Variants in DRC11 observed in about 807,000 individuals in gnomAD.
The protein encoded by DRC11 is IQ and AAA domain-containing protein 1.
the DRC11 span, among the ~76,000 whole-genome samples, chr2:236,457,345 A>C: frequency 6.6e-6 from 1 of 152,368 alleles, no homozygotes; most frequent in East Asian, 1.9e-4. This position sits in a 1 kb window ranked among gnomAD's most constrained non-coding sequence, Gnocchi z 4.7. Context: ...CTACCACACC[A>C]GACACTGAAC....
chr2:236,317,006 A>G, the DRC11 span, among the ~76,000 whole-genome samples: 3 of 143,024 alleles, frequency 2.1e-5, no homozygotes, highest in African/African-American at 9.1e-5. This position sits in a 1 kb window ranked among gnomAD's most constrained non-coding sequence, Gnocchi z 5.4. Flanking sequence ...AAAAAATCAT[A>G]GGCGCTCAGC....
chr2:236,453,588 A>G, the DRC11 span, among the ~76,000 whole-genome samples: 1 of 152,202 alleles, frequency 6.6e-6, no homozygotes. This position sits in a 1 kb window ranked among gnomAD's most constrained non-coding sequence, Gnocchi z 4.9. Flanking sequence ...CGGTGACTGC[A>G]GCAGAGATGC....
chr2:236,311,697 CGTGTGT>C, the DRC11 span, among the ~76,000 whole-genome samples: 348 of 138,786 alleles, frequency 2.5e-3, 1 homozygote, highest in African/African-American at 6.7e-3. The surrounding 1 kb of genome is among the most constrained non-coding windows in gnomAD (Gnocchi z 6.9). Flanking sequence ...GGATGGGGTG[CGTGTGT>C]GTGTGTGTGT....
chr2:236,450,468 C>T, the DRC11 span, among the ~76,000 whole-genome samples: 35,054 of 151,266 alleles, frequency 0.23, 4,184 homozygotes, highest in Middle Eastern at 0.3. Context: ...TACAGGTGTG[C>T]ACCACCACAC....
At chr2:236,389,335 C>T in the DRC11 span, among the ~76,000 whole-genome samples, 5 of 152,206 alleles carry the variant, frequency 3.3e-5, no homozygotes, top group Admixed American at 6.5e-5. Context: ...GTAGGACCCT[C>T]GGAGCCAGGT....
chr2:236,420,707 G>A, the DRC11 span, among the ~76,000 whole-genome samples: 1 of 152,168 alleles, frequency 6.6e-6, no homozygotes, highest in African/African-American at 2.4e-5. The surrounding 1 kb of genome is among the most constrained non-coding windows in gnomAD (Gnocchi z 4.8). Flanking sequence ...CTATCTGGGA[G>A]GCTGAGGTGG....
the DRC11 span, among the ~76,000 whole-genome samples, chr2:236,334,997 C>T: frequency 6.6e-6 from 1 of 151,554 alleles, no homozygotes; most frequent in Non-Finnish European, 1.5e-5. The surrounding 1 kb of genome is among the most constrained non-coding windows in gnomAD (Gnocchi z 7.8). Context: ...GCAGAGACAG[C>T]TTGGTCTGGG....
chr2:236,368,438 T>A, the DRC11 span: 3 of 601,426 alleles, frequency 5.0e-6, no homozygotes, highest in African/African-American at 5.6e-5. Flanking sequence ...AGGAGAGTCA[T>A]TATGAAGAAC....
chr2:236,468,099 T>A, the DRC11 span, among the ~76,000 whole-genome samples: 1 of 152,118 alleles, frequency 6.6e-6, no homozygotes, highest in Non-Finnish European at 1.5e-5. Flanking sequence ...TGAGAACATA[T>A]AACTTTTCTT....
chr2:236,362,752 A>G, the DRC11 span, among the ~76,000 whole-genome samples: 1 of 152,196 alleles, frequency 6.6e-6, no homozygotes, highest in Non-Finnish European at 1.5e-5. The surrounding 1 kb of genome is among the most constrained non-coding windows in gnomAD (Gnocchi z 5.7). Flanking sequence ...CAATGACCAT[A>G]AAGTGCATGA....
At chr2:236,488,131 T>C in the DRC11 span, 2 of 1,609,944 alleles carry the variant, frequency 1.2e-6, no homozygotes, top group South Asian at 2.2e-5. Context: ...TGCCGTGCCC[T>C]CTCAGCAATC....
the DRC11 span, among the ~76,000 whole-genome samples, chr2:236,481,682 C>T: frequency 6.6e-6 from 1 of 151,894 alleles, no homozygotes; most frequent in Non-Finnish European, 1.5e-5. Flanking sequence ...AAGATGATTA[C>T]AGACAAAAAA....
At chr2:236,321,852 G>T in the DRC11 span, among the ~76,000 whole-genome samples, 1 of 152,104 alleles carries the variant, frequency 6.6e-6, no homozygotes, top group Non-Finnish European at 1.5e-5. Context: ...ACAGAGGGTG[G>T]GGGGGAAGTC....
At chr2:236,459,528 T>TGTATAC in the DRC11 span, among the ~76,000 whole-genome samples, 1,948 of 95,652 alleles carry the variant, frequency 0.02, 45 homozygotes, top group African/African-American at 0.058. Flanking sequence ...CATGTATACA[T>TGTATAC]GTATACGTAT....
the DRC11 span, among the ~76,000 whole-genome samples, chr2:236,328,825 C>T: frequency 6.6e-6 from 1 of 152,118 alleles, no homozygotes; most frequent in Non-Finnish European, 1.5e-5. The surrounding 1 kb of genome is among the most constrained non-coding windows in gnomAD (Gnocchi z 6.7). Context: ...TGTTACTTGC[C>T]TCTTGTATTG....
chr2:236,307,606 G>A, the DRC11 span, among the ~76,000 whole-genome samples: 81 of 152,286 alleles, frequency 5.3e-4, no homozygotes, highest in African/African-American at 1.9e-3. This position sits in a 1 kb window ranked among gnomAD's most constrained non-coding sequence, Gnocchi z 7.0. Context: ...TCCTAACAGT[G>A]GCCCAAAGGG....
At chr2:236,458,041 T>G in the DRC11 span, among the ~76,000 whole-genome samples, 1 of 152,222 alleles carries the variant, frequency 6.6e-6, no homozygotes, top group South Asian at 2.1e-4. Context: ...ATTATTATTA[T>G]TATTGTTGAA....
chr2:236,402,510 C>T, the DRC11 span, among the ~76,000 whole-genome samples: 1 of 152,188 alleles, frequency 6.6e-6, no homozygotes, highest in Non-Finnish European at 1.5e-5. This position sits in a 1 kb window ranked among gnomAD's most constrained non-coding sequence, Gnocchi z 6.0. Flanking sequence ...CAGGGGAGGC[C>T]CGGGGTGCTC....
the DRC11 span, among the ~76,000 whole-genome samples, chr2:236,492,573 C>T: frequency 6.6e-6 from 1 of 152,214 alleles, no homozygotes; most frequent in Admixed American, 6.5e-5. Context: ...AGCATAGTTA[C>T]TCATAGTGCC....
Sources: gnomAD v4.1 joint callset for allele counts (sites outside exome capture counted in the v4.1 genomes callset) on GRCh38, gnomAD v4.1.1 for gene constraint, Gnocchi (gnomAD v3.1) non-coding constraint, MANE v1.5 for transcripts, NCBI Gene and HGNC (gene_info 2026-07-23, HGNC 2026-07-21) for gene names.